The following RBFOX1 variants were observed in gnomAD, a reference collection of about 807,000 sequenced individuals.
The protein encoded by RBFOX1 is RNA binding protein fox-1 homolog 1.
In RBFOX1, 8 loss-of-function variants were observed where a neutral mutation model predicts 57.7. That is an observed-to-expected ratio of 0.14 (90% confidence interval 0.08 to 0.25). The LOEUF is 0.25. Among genes scored for constraint, RBFOX1 ranks in the 10% least tolerant of loss-of-function variants. The pLI, the probability that RBFOX1 is intolerant of heterozygous loss-of-function variation, is 1.00. For synonymous variants in RBFOX1, 326 were observed against 222.4 expected (o/e 1.47, Z -4.15); for missense variants, 611 against 548.5 (o/e 1.11, Z -1.14).
At chr16:7,495,013 A>G (rs768065225) in intron 4 of RBFOX1, among the ~76,000 whole-genome samples, 19 of 152,106 alleles carry the variant, frequency 1.2e-4, no homozygotes, top group Admixed American at 2.6e-4. Flanking sequence ...TTGTTCCCTT[A>G]TTTATGACCG....
intron 2 of RBFOX1, among the ~76,000 whole-genome samples, chr16:6,617,479 T>C (rs1008936191): frequency 6.6e-6 from 1 of 151,978 alleles, no homozygotes; most frequent in South Asian, 2.1e-4. Context: ...ATGTAATTGA[T>C]TTCAAACTTG....
In RBFOX1 at chr16:5,737,458, C is replaced by T. The variant is rs183901547; in HGVS notation, c.319-129845C>T. Among the ~76,000 whole-genome samples the T allele has an allele frequency of 1.5e-4, 22 of 151,210 alleles. No individual in the cohort carries two copies. In the East Asian group the frequency reaches 2.1e-3, roughly 15 times the overall value. On this transcript the variant is annotated intron_variant, in intron 3 of 19. Coordinates refer to the RBFOX1 transcript ENST00000641259. Reference sequence around the variant, plus strand: ...TCGAGATCATGCTGCTACACTGCAGCGTGGGCAACAGAGTGAGACTCCATC... The same window carrying T: ...TCGAGATCATGCTGCTACACTGCAGTGTGGGCAACAGAGTGAGACTCCATC...
At chr16:6,805,787 A>C (rs973080874) in intron 3 of RBFOX1, among the ~76,000 whole-genome samples, 1 of 152,156 alleles carries the variant, frequency 6.6e-6, no homozygotes, top group African/African-American at 2.4e-5. Flanking sequence ...CACCCAAGCC[A>C]TGTGGAGATT....
chr16:6,222,113 A>G (rs542583213), intron 1 of RBFOX1, among the ~76,000 whole-genome samples: 5 of 152,276 alleles, frequency 3.3e-5, no homozygotes, highest in Admixed American at 1.3e-4. Context: ...TATTTCCAGC[A>G]TGATGTCTTT....
At chr16:6,600,664 A>T (rs962708348) in intron 2 of RBFOX1, among the ~76,000 whole-genome samples, 1 of 152,224 alleles carries the variant, frequency 6.6e-6, no homozygotes, top group African/African-American at 2.4e-5. Flanking sequence ...CCACCTAAAT[A>T]TCTTGGCCTG....
chr16:5,553,197 G>A (rs144144939), intron 2 of RBFOX1, among the ~76,000 whole-genome samples: 440 of 152,096 alleles, frequency 2.9e-3, no homozygotes, highest in Middle Eastern at 0.014. Flanking sequence ...TGAGTTGATG[G>A]GGGCAGCAAA....
At chr16:6,719,555 C>T (rs571999624) in intron 3 of RBFOX1, among the ~76,000 whole-genome samples, 4 of 151,868 alleles carry the variant, frequency 2.6e-5, no homozygotes, top group Admixed American at 2.6e-4. Context: ...ATTCTTCTGC[C>T]TCAGCCTCTG....
intron 1 of RBFOX1, among the ~76,000 whole-genome samples, chr16:6,159,610 C>T (rs74004999): frequency 9.0e-4 from 137 of 152,234 alleles, no homozygotes; most frequent in African/African-American, 3.2e-3. Flanking sequence ...TCCCCTCCTG[C>T]TTTTTTCACT....
chr16:6,605,950 A>G (rs909180678), intron 2 of RBFOX1, among the ~76,000 whole-genome samples: 6 of 151,930 alleles, frequency 3.9e-5, no homozygotes, highest in Non-Finnish European at 7.4e-5. Flanking sequence ...AATTACAGAA[A>G]TTAGCGGAGC....
chr16:6,000,943 G>A (rs906649430), intron 4 of RBFOX1, among the ~76,000 whole-genome samples: 1 of 151,268 alleles, frequency 6.6e-6, no homozygotes, highest in Admixed American at 6.6e-5. Context: ...GTGGTTGGAT[G>A]GGTAGATGAA....
At chr16:6,990,320 T>C (rs887898577) in intron 3 of RBFOX1, among the ~76,000 whole-genome samples, 18 of 151,876 alleles carry the variant, frequency 1.2e-4, no homozygotes, top group African/African-American at 4.1e-4. Flanking sequence ...AGGTCAGGAG[T>C]TCGAGACCAG....
chr16:6,525,394 G>A (rs2096564394), intron 2 of RBFOX1, among the ~76,000 whole-genome samples: 1 of 152,192 alleles, frequency 6.6e-6, no homozygotes, highest in South Asian at 2.1e-4. Context: ...GCTGAGCCAT[G>A]AAGCATTGGT....
In RBFOX1 at chr16:6,899,243, ATGTT is replaced by A. The variant is rs905813083; in HGVS notation, c.-15-152811_-15-152808del. 5.9e-5 allele frequency among the ~76,000 whole-genome samples: 9 copies of A among 151,574 alleles called. No homozygotes were observed. The South Asian group carries it at 6.3e-4, about 11-fold the overall frequency. On this transcript the variant is annotated intron_variant, in intron 3 of 15. Coordinates refer to ENST00000550418, the MANE Select transcript of RBFOX1 (RefSeq NM_018723.4). Reference sequence around the variant, plus strand: ...TATGTGTGGATGCGTGTCCATGTGTATGTTTGCGTGCATGTGTGTATAACGTGTG... The same window carrying A: ...TATGTGTGGATGCGTGTCCATGTGTATGCGTGCATGTGTGTATAACGTGTG...
chr16:7,401,456 G>A (rs111848274), intron 4 of RBFOX1, among the ~76,000 whole-genome samples: 5 of 152,302 alleles, frequency 3.3e-5, no homozygotes, highest in African/African-American at 7.2e-5. Context: ...TGTATGGATC[G>A]ATAGCTAGAT....
intron 2 of RBFOX1, among the ~76,000 whole-genome samples, chr16:5,597,545 G>A: frequency 6.6e-6 from 1 of 151,884 alleles, no homozygotes; most frequent in Non-Finnish European, 1.5e-5. Context: ...GATTACAGGT[G>A]CCCGCCACCA....
At chr16:5,643,910 C>T (rs1022618032) in intron 3 of RBFOX1, among the ~76,000 whole-genome samples, 31 of 152,136 alleles carry the variant, frequency 2.0e-4, no homozygotes, top group African/African-American at 6.8e-4. Context: ...CTTTTCTTTC[C>T]CTCTGTAACA....
At chr16:7,094,900 C>A (rs75319103) in intron 4 of RBFOX1, among the ~76,000 whole-genome samples, 1,732 of 152,086 alleles carry the variant, frequency 0.011, 37 homozygotes, top group African/African-American at 0.04. Context: ...ATCACACAGA[C>A]TTTTGCCCCG....
intron 3 of RBFOX1, among the ~76,000 whole-genome samples, chr16:7,038,887 G>C (rs34211105): frequency 0.096 from 14,615 of 152,136 alleles, 1,138 homozygotes; most frequent in East Asian, 0.32. Flanking sequence ...TCATTAAAAC[G>C]TGTAATTTGA....
intron 2 of RBFOX1, among the ~76,000 whole-genome samples, chr16:6,639,265 C>T (rs965254281): frequency 1.3e-5 from 2 of 152,184 alleles, no homozygotes; most frequent in Admixed American, 1.3e-4. Flanking sequence ...TGATGTCTTT[C>T]TGTCTATCTG....
Sources: allele counts gnomAD v4.1 joint callset (sites outside exome capture counted in the v4.1 genomes callset), GRCh38; gene constraint gnomAD v4.1.1; transcripts MANE v1.5; gene names NCBI Gene and HGNC (gene_info 2026-07-23, HGNC 2026-07-21).